The following FGF12 variants were observed in gnomAD, a reference collection of about 807,000 sequenced individuals.
The protein encoded by FGF12 is fibroblast growth factor 12B.
In FGF12, 14 loss-of-function variants were observed where a neutral mutation model predicts 23.6. The ratio of observed to expected loss-of-function variants is 0.59; its 90% CI spans 0.39 to 0.93. The LOEUF (loss-of-function observed/expected upper bound fraction) is 0.93. Among genes scored for constraint, FGF12 ranks in the 40% least tolerant of loss-of-function variants. The probability of loss-of-function intolerance (pLI) is 0.00; values close to 1 mark genes in which losing one functional copy is unlikely to be tolerated. For missense variants in FGF12, 175 were observed against 217.8 expected (o/e 0.80, Z 1.24); for synonymous variants, 62 against 77.3 (o/e 0.80, Z 1.04).
chr3:192,248,850 C>G (rs1024004676), intron 4 of FGF12, among the ~76,000 whole-genome samples: 2 of 152,086 alleles, frequency 1.3e-5, no homozygotes, highest in Non-Finnish European at 2.9e-5. Context: ...TAGCTTAACA[C>G]AATTAATTTG....
intron 2 of FGF12, among the ~76,000 whole-genome samples, chr3:192,436,186 C>A (rs1322851560): frequency 1.3e-5 from 2 of 152,046 alleles, no homozygotes; most frequent in African/African-American, 4.8e-5. Flanking sequence ...AGATGGTGAT[C>A]CCACTTAAAT....
intron 4 of FGF12, among the ~76,000 whole-genome samples, chr3:192,242,900 T>C (rs1719695144): frequency 6.6e-6 from 1 of 151,820 alleles, no homozygotes; most frequent in South Asian, 2.1e-4. Flanking sequence ...TATATTTTAC[T>C]GAGCAACTAT....
At chr3:192,486,800 A>C (rs974979494) in intron 2 of FGF12, among the ~76,000 whole-genome samples, 2 of 152,102 alleles carry the variant, frequency 1.3e-5, no homozygotes, top group Non-Finnish European at 2.9e-5. Flanking sequence ...ATGTGTCATG[A>C]ATAAACACTG....
intron 4 of FGF12, among the ~76,000 whole-genome samples, chr3:192,196,272 G>C (rs1402387408): frequency 1.3e-5 from 2 of 152,026 alleles, no homozygotes; most frequent in African/African-American, 4.8e-5. Context: ...GATGAAAAAA[G>C]AGTCCATCAA....
At chr3:192,470,773 G>T (rs1723149317) in intron 2 of FGF12, among the ~76,000 whole-genome samples, 1 of 152,140 alleles carries the variant, frequency 6.6e-6, no homozygotes, top group Admixed American at 6.5e-5. Flanking sequence ...TCCCACAAGG[G>T]AAAACTAATC....
intron 2 of FGF12, among the ~76,000 whole-genome samples, chr3:192,621,120 A>G (rs1263553061): frequency 6.6e-6 from 1 of 152,016 alleles, no homozygotes; most frequent in African/African-American, 2.4e-5. Flanking sequence ...ATTAAAAACC[A>G]TTGTTTTTGT....
intron 2 of FGF12, among the ~76,000 whole-genome samples, chr3:192,709,766 G>C (rs904168661): frequency 5.3e-5 from 8 of 152,226 alleles, no homozygotes; most frequent in Admixed American, 3.9e-4. Context: ...CATGAGTTTT[G>C]AAGACCGACT....
At chr3:192,506,004 T>C (rs1458362559) in intron 2 of FGF12, among the ~76,000 whole-genome samples, 1 of 152,246 alleles carries the variant, frequency 6.6e-6, no homozygotes, top group Non-Finnish European at 1.5e-5. Context: ...GCATGTAACA[T>C]ATGACCTATG....
chr3:192,676,182 G>C (rs938115606), intron 2 of FGF12, among the ~76,000 whole-genome samples: 2 of 152,144 alleles, frequency 1.3e-5, no homozygotes, highest in South Asian at 4.1e-4. Flanking sequence ...CTTGCGATGA[G>C]TGCTTGGAAT....
intron 2 of FGF12, among the ~76,000 whole-genome samples, chr3:192,445,325 GTTGA>G (rs1277675674): frequency 6.6e-6 from 1 of 152,206 alleles, no homozygotes; most frequent in East Asian, 1.9e-4. Context: ...TTAGCATCTA[GTTGA>G]TTCTCTTGCA....
Position 192,333,462 on chromosome 3 carries a change from A to G in FGF12, c.228+1899T>C, listed in dbSNP as rs117367210. On this transcript the variant is annotated intron_variant, in intron 4 of 5. Transcript: ENST00000445105. Reference sequence around the variant, plus strand: ...TTACATTTAAAATAGACTCACAATAACTGGACATTAAGAATTGTTAGAGCT... The same window carrying G: ...TTACATTTAAAATAGACTCACAATAGCTGGACATTAAGAATTGTTAGAGCT... 2.5e-3 allele frequency among the ~76,000 whole-genome samples: 379 copies of G among 152,210 alleles called. 8 individuals carry two copies. In the East Asian group the frequency reaches 0.05, roughly 20 times the overall value.
chr3:192,726,414 C>A (rs779384962), intron 2 of FGF12, among the ~76,000 whole-genome samples: 3 of 152,042 alleles, frequency 2.0e-5, no homozygotes, highest in Non-Finnish European at 4.4e-5. Context: ...GGGGTTAAAT[C>A]CAAAAGATAT....
chr3:192,261,023 C>T (rs905193082), intron 4 of FGF12, among the ~76,000 whole-genome samples: 2 of 152,066 alleles, frequency 1.3e-5, no homozygotes, highest in Non-Finnish European at 2.9e-5. Context: ...ATAAGCTAAA[C>T]TGGGGTACAG....
intron 2 of FGF12, among the ~76,000 whole-genome samples, chr3:192,439,820 C>CA (rs974343989): frequency 5.9e-4 from 89 of 151,884 alleles, no homozygotes; most frequent in African/African-American, 1.5e-3. Flanking sequence ...ACTAAAAATA[C>CA]AAAAAATTTA....
intron 4 of FGF12, among the ~76,000 whole-genome samples, chr3:192,197,943 C>T (rs112572887): frequency 0.19 from 22,593 of 119,696 alleles, 2,117 homozygotes; most frequent in South Asian, 0.3. Flanking sequence ...CGAAATTCCT[C>T]CTCAAAAAAA....
chr3:192,503,574 G>T (rs199725365), intron 2 of FGF12, among the ~76,000 whole-genome samples: 597 of 40,904 alleles, frequency 0.015, 5 homozygotes, highest in African/African-American at 0.035. Flanking sequence ...TTTTTGTTTT[G>T]GTTTTTTTTT....
chr3:192,371,093 C>T (rs1719207148), intron 2 of FGF12, among the ~76,000 whole-genome samples: 2 of 152,152 alleles, frequency 1.3e-5, no homozygotes, highest in African/African-American at 2.4e-5. Context: ...AGAAGTAGAC[C>T]TGGAATGAAC....
At chr3:192,575,067 G>T (rs1712814437) in intron 2 of FGF12, among the ~76,000 whole-genome samples, 1 of 152,190 alleles carries the variant, frequency 6.6e-6, no homozygotes, top group South Asian at 2.1e-4. Context: ...AACAAGAGGT[G>T]AACTATTATT....
intron 2 of FGF12, among the ~76,000 whole-genome samples, chr3:192,436,510 G>A (rs922488041): frequency 2.0e-5 from 3 of 152,178 alleles, no homozygotes; most frequent in African/African-American, 7.2e-5. Context: ...GCCCACAATT[G>A]GAAAACCTCC....
Sources: gnomAD v4.1 joint callset for allele counts (sites outside exome capture counted in the v4.1 genomes callset) on GRCh38, gnomAD v4.1.1 for gene constraint, MANE v1.5 for transcripts, NCBI Gene and HGNC (gene_info 2026-07-23, HGNC 2026-07-21) for gene names.